Variants in CCDC180 observed in about 807,000 individuals in gnomAD.
CCDC180 encodes the protein coiled-coil domain containing 180, also known as coiled-coil domain-containing protein 180.
In CCDC180, 154 loss-of-function variants were observed where a neutral mutation model predicts 209.2. The ratio of observed to expected loss-of-function variants is 0.74; its 90% confidence interval spans 0.65 to 0.84. The LOEUF (loss-of-function observed/expected upper bound fraction) is 0.84, where lower values mean the gene tolerates loss of function less well. Among genes scored for constraint, CCDC180 ranks in the 40% least tolerant of loss-of-function variants. The pLI is 0.00. For missense variants in CCDC180, 1,874 were observed against 1,997.3 expected (o/e 0.94, Z 1.18); for synonymous variants, 778 against 749.1 (o/e 1.04, Z -0.63).
chr9:97,310,815 C>T (rs1459751191), intron 3 of CCDC180, among the ~76,000 whole-genome samples: 2 of 152,148 alleles, frequency 1.3e-5, no homozygotes, highest in Non-Finnish European at 2.9e-5. Flanking sequence ...TAGAAAAATC[C>T]ACTGGCCCAC....
chr9:97,361,841 G>T lies in CCDC180; in HGVS notation c.3599G>T (p.Arg1200Leu), dbSNP rs143393901. Residue 1200 changes from arginine (R) to leucine (L), a missense_variant, in exon 27 of 37, where the codon CGC becomes CTC. Physicochemically the swap from Arg to Leu is moderately radical, Grantham distance 102 (BLOSUM62 -2). Coordinates refer to ENST00000529487, the MANE Select transcript of CCDC180 (RefSeq NM_020893.6). ...CCTGAGTCCTTCACCCAGCTGAGCC[G>T]CGTGGGGAAGCCCCTGATTGAGGAC... Reference protein sequence around the residue: ...VTPESFTQLSRVGKPLIEDPA... With the variant: ...VTPESFTQLSLVGKPLIEDPA... 8 of 1,614,000 alleles carry T rather than the reference G, an allele frequency of 5.0e-6. No homozygotes were observed. Among genetic ancestry groups the T allele is most frequent in the East Asian group, 2.2e-5 (1 of 44,888 alleles).
intron 25 of CCDC180, among the ~76,000 whole-genome samples, chr9:97,359,242 C>T (rs1196385604): frequency 6.6e-6 from 1 of 152,200 alleles, no homozygotes; most frequent in Non-Finnish European, 1.5e-5. Context: ...CTCTACCTCT[C>T]CAGAACAGAA....
intron 19 of CCDC180, among the ~76,000 whole-genome samples, chr9:97,344,544 A>G (rs1826191947): frequency 6.6e-6 from 1 of 152,190 alleles, no homozygotes. Flanking sequence ...GAGAGTTACC[A>G]TACTTAACTC....
chr9:97,327,863 A>G (rs1185149456), intron 15 of CCDC180, among the ~76,000 whole-genome samples, 157 bp from the exon 16 acceptor site: 2 of 152,194 alleles, frequency 1.3e-5, no homozygotes, highest in Admixed American at 6.5e-5. Context: ...TATTTCTCGT[A>G]TGATCAGAAA....
intron 31 of CCDC180, among the ~76,000 whole-genome samples, chr9:97,368,781 G>A (rs573495423): frequency 6.6e-6 from 1 of 152,094 alleles, no homozygotes. Context: ...TTCAGTTCAG[G>A]CCTCAAAGGA....
Position 97,314,659 on chromosome 9 carries a change from G to A in CCDC180, c.630G>A (p.Leu210=). The A allele has an allele frequency of 1.2e-6, 2 of 1,614,118 alleles. No individual in the cohort carries two copies. Among genetic ancestry groups the A allele is most frequent in the Non-Finnish European group, 1.7e-6 (2 of 1,180,028 alleles). The change falls in exon 7 of 37, where the codon CTG becomes CTA. Residue 210 remains leucine (L), a synonymous_variant. Transcript: ENST00000529487. The part of the protein sequence containing the change: ...ELWDKVAGRL[L]LRKQEIKELD... Reference sequence around the variant, plus strand: ...GGGATAAGGTGGCCGGGCGGTTACTGCTCCGGAAGCAGGAGATTAAGGAGC... The same window carrying A: ...GGGATAAGGTGGCCGGGCGGTTACTACTCCGGAAGCAGGAGATTAAGGAGC...
In CCDC180 at chr9:97,354,723, C is replaced by G; in HGVS notation, c.3147+10C>G. 1 of 1,614,144 alleles carries G rather than the reference C, an allele frequency of 6.2e-7. No individual in the cohort carries two copies. Among genetic ancestry groups the G allele is most frequent in the Middle Eastern group, 1.6e-4 (1 of 6,062 alleles). On this transcript the variant is annotated intron_variant, in intron 23 of 36. Transcript: ENST00000529487. ...TGAGTACCTGGACCAGGTAGGGCCCCCAGCCAGGCCCCAGGCCAACCGGTT... is the reference window on the plus strand; with the variant it reads ...TGAGTACCTGGACCAGGTAGGGCCCGCAGCCAGGCCCCAGGCCAACCGGTT...
In CCDC180 at chr9:97,325,180, C is replaced by G. The variant is rs764027013; in HGVS notation, c.1533C>G (p.Ser511Arg). ...TGGAGCAGCACCGGCAGAAGCACAG[C>G]CTGGAGAGCCAGGTGAGACCCACAC... ...KRMEQHRQKHSLESQVQEAHL... is the reference protein window; with the variant it reads ...KRMEQHRQKHRLESQVQEAHL... Residue 511 changes from serine to arginine, a missense_variant, in exon 14 of 37, where the codon AGC becomes AGG. Transcript: ENST00000529487. 4 of 1,597,044 alleles carry G rather than the reference C, an allele frequency of 2.5e-6. No homozygotes were observed. The highest frequency in any genetic ancestry group is 2.3e-5 in the South Asian group (2 of 88,616).
intron 22 of CCDC180, among the ~76,000 whole-genome samples, chr9:97,352,970 CAT>C (rs1826465501): frequency 1.4e-5 from 2 of 142,288 alleles, no homozygotes; most frequent in African/African-American, 2.8e-5. Flanking sequence ...TACACACACA[CAT>C]ATACATATAT....
At chr9:97,320,315 G>C (rs1833317537) in intron 11 of CCDC180, 110 bp downstream of exon 11, 1 of 1,031,740 alleles carries the variant, frequency 9.7e-7, no homozygotes, top group Non-Finnish European at 1.5e-6. Context: ...GAGGAGGGAT[G>C]GGGGTGTGGC....
chr9:97,362,283 C>A lies in CCDC180; in HGVS notation c.3744C>A (p.Gly1248=). The A allele has an allele frequency of 6.2e-7, 1 of 1,614,164 alleles. No individual in the cohort carries two copies. Among genetic ancestry groups the A allele is most frequent in the Admixed American group, 1.7e-5 (1 of 60,030 alleles). Reference sequence around the variant, plus strand: ...GCGCATGGGCCTGTGGGTCTCGGGGCAGCAGTGAGGCAGGGGCTGGTGGTG... The same window carrying A: ...GCGCATGGGCCTGTGGGTCTCGGGGAAGCAGTGAGGCAGGGGCTGGTGGTG... ...GRGAWACGSR[G]SSEAGAGGAV... is the part of the protein sequence containing the mutation. Residue 1248 remains glycine, a synonymous_variant, in exon 28 of 37, where the codon GGC becomes GGA. Transcript: ENST00000529487.
intron 27 of CCDC180, 41 bp downstream of exon 27, chr9:97,361,939 G>T (rs543984301): frequency 1.3e-6 from 2 of 1,599,272 alleles, no homozygotes; most frequent in East Asian, 4.5e-5. Context: ...TGCCACCCCT[G>T]CCCCTGGCCC....
chr9:97,344,577 A>C (rs1239653315), intron 19 of CCDC180, among the ~76,000 whole-genome samples: 2 of 152,208 alleles, frequency 1.3e-5, no homozygotes, highest in Admixed American at 1.3e-4. Flanking sequence ...GAAGAAACTG[A>C]GGCTCAGAGA....
intron 18 of CCDC180, among the ~76,000 whole-genome samples, chr9:97,342,405 A>G (rs1287308443): frequency 1.3e-5 from 2 of 152,072 alleles, no homozygotes; most frequent in Non-Finnish European, 2.9e-5. Flanking sequence ...CTGCCGCCTC[A>G]GCCTCCCAAT....
intron 8 of CCDC180, 32 bp from the exon 9 acceptor site, chr9:97,317,033 C>G (rs1442766658): frequency 1.9e-6 from 3 of 1,573,964 alleles, no homozygotes; most frequent in South Asian, 1.2e-5. Flanking sequence ...AGACCCTGCC[C>G]TGTCTAGAGC....
At chr9:97,321,271 A>C (rs1833348999) in intron 11 of CCDC180, among the ~76,000 whole-genome samples, 1 of 152,250 alleles carries the variant, frequency 6.6e-6, no homozygotes, top group Non-Finnish European at 1.5e-5. Context: ...TTGTAAATAA[A>C]GGAACATCTG....
chr9:97,371,672 T>C lies in CCDC180; in HGVS notation c.4566T>C (p.Asp1522=). 1.2e-6 allele frequency: 2 copies of C among 1,604,778 alleles called. No individual in the cohort carries two copies. The highest frequency in any genetic ancestry group is 2.2e-5 in the South Asian group (2 of 90,482). ...TFTEKFLLQL[D]EVVTIDDVQV... ...CCGAGAAGTTCCTACTGCAGTTGGA[T>C]GAGGTGGTCACCATTGACGATGTCC... is the stretch of plus-strand genomic sequence containing the variant. Residue 1522 remains aspartate (D), a synonymous_variant, in exon 34 of 37, where the codon GAT becomes GAC. Transcript: ENST00000529487.
intron 18 of CCDC180, among the ~76,000 whole-genome samples, chr9:97,334,980 G>C (rs1825859437): frequency 6.6e-6 from 1 of 152,104 alleles, no homozygotes; most frequent in South Asian, 2.1e-4. Context: ...CTCATGTCTA[G>C]TACTGTTCTG....
At position 97,374,581 on chromosome 9, in the gene CCDC180, C is replaced by T. The variant is rs766064175; in HGVS notation, c.4639C>T (p.Arg1547Ter). Reference sequence around the variant, plus strand: ...CAAACAGAAATTATCAATGCTCATACGAAGGAAACTCGCTGGGCTCTCCCT... The same window carrying T: ...CAAACAGAAATTATCAATGCTCATATGAAGGAAACTCGCTGGGCTCTCCCT... ...PPKQKLSMLI[R>*]RKLAGLSLKE... Residue 1547 changes from arginine to a stop codon, truncating the protein, a stop_gained, in exon 35 of 37, where the codon CGA (arginine) becomes TGA (stop). Coordinates refer to ENST00000529487, the MANE Select transcript of CCDC180 (RefSeq NM_020893.6). LOFTEE classifies it high-confidence loss of function. 38 of 1,613,934 alleles carry T rather than the reference C, an allele frequency of 2.4e-5. No individual in the cohort carries two copies. In the East Asian group the frequency reaches 2.9e-4, roughly 12 times the overall value.
Sources: allele counts gnomAD v4.1 joint callset (sites outside exome capture counted in the v4.1 genomes callset), GRCh38; gene constraint gnomAD v4.1.1; transcripts MANE v1.5; gene names NCBI Gene and HGNC (gene_info 2026-07-23, HGNC 2026-07-21).